Variants in SH3D19 observed in about 807,000 individuals in gnomAD.
SH3D19 encodes the protein SH3 domain containing 19, also known as SH3 domain-containing protein 19.
SH3D19 carries 58 observed loss-of-function variants against 112.1 expected under a neutral mutation model. The observed-to-expected ratio is 0.52, with a 90% CI of 0.42 to 0.64. The LOEUF is 0.64. SH3D19 is among the 30% of genes least tolerant of loss of function. SH3D19 has a pLI of 0.00. For missense variants in SH3D19, 1,090 were observed against 1,263.4 expected, an observed-to-expected ratio of 0.86 and a Z score of 2.08; for synonymous variants, 391 against 448.5, an observed-to-expected ratio of 0.87 and a Z score of 1.62.
intron 1 of SH3D19, among the ~76,000 whole-genome samples, chr4:151,315,426 G>C (rs773983460): frequency 6.6e-6 from 1 of 152,176 alleles, no homozygotes; most frequent in Non-Finnish European, 1.5e-5. Flanking sequence ...TGTACCTGCT[G>C]ACAGAGGACT....
At chr4:151,307,535 A>C (rs1291234713) in intron 1 of SH3D19, among the ~76,000 whole-genome samples, 1 of 152,238 alleles carries the variant, frequency 6.6e-6, no homozygotes, top group Non-Finnish European at 1.5e-5. Context: ...TAGACCCGTC[A>C]GGCAGGTGTG....
intron 9 of SH3D19, among the ~76,000 whole-genome samples, chr4:151,153,970 CTTTTT>C (rs1283406514): frequency 6.6e-6 from 1 of 151,314 alleles, no homozygotes; most frequent in Non-Finnish European, 1.5e-5. Flanking sequence ...CTTTTCTTTT[CTTTTT>C]TTCTGAGATG....
intron 2 of SH3D19, among the ~76,000 whole-genome samples, chr4:151,188,601 C>CA: frequency 6.6e-6 from 1 of 152,242 alleles, no homozygotes; most frequent in Admixed American, 6.5e-5. Flanking sequence ...TAGGGATACT[C>CA]AATCTTAATA....
At position 151,148,182 on chromosome 4, in the gene SH3D19, C is replaced by T. The variant is rs367762064; in HGVS notation, c.1822G>A (p.Val608Met). 42 of 1,599,846 alleles carry T rather than the reference C, an allele frequency of 2.6e-5. No homozygotes were observed. Among genetic ancestry groups the T allele is most frequent in the Non-Finnish European group, 3.6e-5 (42 of 1,175,166 alleles). ...RVPPRLPPRP[V>M]NGKTIPTQQP... The stretch of plus-strand genomic sequence containing the variant: ...TGAGTTGGAATGGTTTTTCCATTCA[C>T]AGGTCTGAAAGTCAATGTAGTAGCC... Residue 608 changes from valine (V) to methionine (M), a missense_variant, in exon 11 of 20, where the codon GTG becomes ATG. Physicochemically the swap from Val to Met is conservative, Grantham distance 21 (BLOSUM62 1). Transcript: ENST00000604030.
intron 12 of SH3D19, chr4:151,140,709 A>G (rs1438030026): frequency 6.6e-6 from 1 of 152,254 alleles, no homozygotes; most frequent in Non-Finnish European, 1.5e-5. Flanking sequence ...GAAATAAATA[A>G]AGGCAGATTT....
At position 151,279,918 on chromosome 4, in the gene SH3D19, A is replaced by G. The variant is rs1433367220; in HGVS notation, c.112+45323T>C. On this transcript the variant is annotated intron_variant, in intron 1 of 19. Transcript: ENST00000604030. ...CTTTATCTGTGGAGGTTCCCTCGTC[A>G]GTGAGAGGTTGATACTGACAGCAGC... The G allele has an allele frequency of 1.9e-6, 3 of 1,613,592 alleles. No individual in the cohort carries two copies. The African/African-American group carries it at 4.0e-5, about 22-fold the overall frequency.
At chr4:151,198,584 C>T (rs1381495065) in intron 2 of SH3D19, among the ~76,000 whole-genome samples, 1 of 151,184 alleles carries the variant, frequency 6.6e-6, no homozygotes, top group African/African-American at 2.4e-5. Context: ...CCTTTAGAGG[C>T]TCCTACATCA....
chr4:151,298,498 T>C (rs552847516), intron 1 of SH3D19, among the ~76,000 whole-genome samples: 1 of 152,264 alleles, frequency 6.6e-6, no homozygotes, highest in South Asian at 2.1e-4. Flanking sequence ...TTTTAAGCCA[T>C]TAAATTTGTA....
chr4:151,279,071 G>T, intron 1 of SH3D19: 6 of 407,150 alleles, frequency 1.5e-5, no homozygotes, highest in South Asian at 1.0e-4. Flanking sequence ...ACCTCTCACT[G>T]ACCAGGGAAC....
chr4:151,164,349 C>T (rs890504351), intron 8 of SH3D19, among the ~76,000 whole-genome samples: 1 of 152,128 alleles, frequency 6.6e-6, no homozygotes, highest in Admixed American at 6.5e-5. Context: ...CTCTGGAACC[C>T]ACTGTGTGTG....
At chr4:151,282,126 GCCT>G in intron 1 of SH3D19, 1 of 1,611,440 alleles carries the variant, frequency 6.2e-7, no homozygotes, top group East Asian at 2.2e-5. Flanking sequence ...CCATAAGCAG[GCCT>G]CCTTTCTTTT....
intron 1 of SH3D19, among the ~76,000 whole-genome samples, chr4:151,240,638 A>T (rs1770479713): frequency 6.6e-6 from 1 of 152,056 alleles, no homozygotes; most frequent in Non-Finnish European, 1.5e-5. Flanking sequence ...ATTAATATTA[A>T]TAACAAATGT....
Position 151,149,477 on chromosome 4 carries a change from T to C in SH3D19, c.1817+23A>G, listed in dbSNP as rs756616045. On this transcript the variant is annotated intron_variant, in intron 10 of 19. Transcript: ENST00000604030. ...GGTCTCTGAGTCATTAATTTTTCTC[T>C]AACTTTTCCCACATTTACTTACCTC... 3 of 1,600,410 alleles carry C rather than the reference T, an allele frequency of 1.9e-6. No homozygotes were observed. In the South Asian group the frequency reaches 3.3e-5, roughly 18 times the overall value.
chr4:151,160,253 AT>A (rs1260724136), intron 8 of SH3D19, among the ~76,000 whole-genome samples: 2 of 151,694 alleles, frequency 1.3e-5, no homozygotes, highest in Non-Finnish European at 2.9e-5. Context: ...CGCCTGCCTA[AT>A]TTTTTTGTAT....
chr4:151,288,958 C>G (rs2150016757), intron 1 of SH3D19, among the ~76,000 whole-genome samples: 1 of 152,186 alleles, frequency 6.6e-6, no homozygotes, highest in East Asian at 1.9e-4. Flanking sequence ...AAACAAGAAA[C>G]AAGTTGAAGG....
At chr4:151,200,799 C>A (rs1357209129) in intron 2 of SH3D19, among the ~76,000 whole-genome samples, 3 of 152,218 alleles carry the variant, frequency 2.0e-5, no homozygotes, top group Non-Finnish European at 1.5e-5. Flanking sequence ...GTTGCTCATG[C>A]AATTGACAAA....
rs76910099 is a variant in SH3D19, at chr4:151,298,815, T to C, written c.112+26426A>G. 2.7e-3 allele frequency among the ~76,000 whole-genome samples: 418 copies of C among 152,366 alleles called. 2 individuals are homozygous for C. The highest frequency in any genetic ancestry group is 0.01 in the Middle Eastern group (3 of 294). On this transcript the variant is annotated intron_variant, in intron 1 of 19. Transcript: ENST00000604030. ...TATATAATCACGAAGCAGCCTATTCTAACCCCAGTAAGATTGCTGCCTCCC... is the reference window on the plus strand; with the variant it reads ...TATATAATCACGAAGCAGCCTATTCCAACCCCAGTAAGATTGCTGCCTCCC...
intron 1 of SH3D19, among the ~76,000 whole-genome samples, chr4:151,278,598 A>C (rs1272710908): frequency 6.6e-6 from 1 of 151,986 alleles, no homozygotes; most frequent in African/African-American, 2.4e-5. Context: ...CATGTGACCT[A>C]GGGTTTCCTT....
At chr4:151,302,042 C>T (rs1654397780) in intron 1 of SH3D19, among the ~76,000 whole-genome samples, 1 of 152,182 alleles carries the variant, frequency 6.6e-6, no homozygotes, top group South Asian at 2.1e-4. Context: ...CAATGATTCA[C>T]TGCCCTCTGT....
Sources: allele counts gnomAD v4.1 joint callset (sites outside exome capture counted in the v4.1 genomes callset), GRCh38; gene constraint gnomAD v4.1.1; transcripts MANE v1.5; gene names NCBI Gene and HGNC (gene_info 2026-07-23, HGNC 2026-07-21).